Variants in PCDH11X observed in about 807,000 individuals in gnomAD.
PCDH11X encodes protocadherin-11 X-linked.
In PCDH11X, 18 loss-of-function variants were observed where a neutral mutation model predicts 53.3. The ratio of observed to expected loss-of-function variants is 0.34; its 90% CI spans 0.23 to 0.50. PCDH11X has a LOEUF of 0.50. PCDH11X is among the 20% of genes least tolerant of loss of function. The pLI, the probability that PCDH11X is intolerant of heterozygous loss-of-function variation, is 0.98. For synonymous variants in PCDH11X, 279 were observed against 393.3 expected, an observed-to-expected ratio of 0.71 and a Z score of 3.44; for missense variants, 570 against 1,032.4, an observed-to-expected ratio of 0.55 and a Z score of 6.14.
chrX:92,338,305 C>T (rs1429704289), intron 8 of PCDH11X, among the ~76,000 whole-genome samples: 2 of 111,710 alleles, frequency 1.8e-5, no homozygotes, highest in Admixed American at 9.5e-5. Context: ...GTTTAGGCTA[C>T]ACTCTGTATT....
intron 4 of PCDH11X, among the ~76,000 whole-genome samples, chrX:91,829,834 C>A (rs1187619357): frequency 9.0e-6 from 1 of 111,420 alleles, no homozygotes; most frequent in Non-Finnish European, 1.9e-5. Context: ...TTTGAAATCA[C>A]ATAGAGCAAT....
At chrX:91,909,741 G>A (rs898307371) in intron 6 of PCDH11X, among the ~76,000 whole-genome samples, 7 of 109,330 alleles carry the variant, frequency 6.4e-5, no homozygotes, top group South Asian at 8.0e-4. Context: ...GTCTGTAAAC[G>A]TGGCATATTA....
intron 6 of PCDH11X, among the ~76,000 whole-genome samples, chrX:91,929,451 C>T (rs1404264107): frequency 2.7e-5 from 3 of 110,104 alleles, no homozygotes; most frequent in East Asian, 2.9e-4. Flanking sequence ...GTAAGGAAAT[C>T]GAAGCCCAAA....
At chrX:92,535,219 A>G (rs1475655333) in intron 10 of PCDH11X, among the ~76,000 whole-genome samples, 1 of 112,019 alleles carries the variant, frequency 8.9e-6, no homozygotes, top group Non-Finnish European at 1.9e-5. Context: ...AGACTCATGC[A>G]CATGTATATT....
chrX:92,602,513 A>C (rs1178815513), intron 10 of PCDH11X, among the ~76,000 whole-genome samples: 1 of 110,241 alleles, frequency 9.1e-6, no homozygotes, highest in Non-Finnish European at 1.9e-5. Flanking sequence ...ACAATCAAGC[A>C]ATCAGCCAGT....
chrX:92,092,155 G>A (rs753230696), intron 6 of PCDH11X, among the ~76,000 whole-genome samples: 5 of 111,621 alleles, frequency 4.5e-5, no homozygotes, highest in Middle Eastern at 9.3e-3. Context: ...AGGAATTTGG[G>A]CAAGATAAAA....
chrX:92,584,019 T>C (rs897955811), intron 10 of PCDH11X, among the ~76,000 whole-genome samples: 1 of 110,575 alleles, frequency 9.0e-6, no homozygotes, highest in African/African-American at 3.3e-5. Context: ...AATTAAACAA[T>C]ATACTTTGAT....
chrX:92,500,872 TCAGAG>T (rs2148695208), intron 10 of PCDH11X, among the ~76,000 whole-genome samples: 1 of 107,035 alleles, frequency 9.3e-6, no homozygotes, highest in African/African-American at 3.4e-5. Context: ...TTAACCAAGA[TCAGAG>T]CATAACTGAA....
intron 9 of PCDH11X, among the ~76,000 whole-genome samples, chrX:92,448,926 T>A (rs2072717916): frequency 8.9e-6 from 1 of 112,210 alleles, no homozygotes; most frequent in African/African-American, 3.2e-5. Context: ...CTTTTTAGAA[T>A]GACTCACATA....
At chrX:92,437,984 G>A (rs1340760017) in intron 9 of PCDH11X, among the ~76,000 whole-genome samples, 2 of 111,876 alleles carry the variant, frequency 1.8e-5, no homozygotes, top group African/African-American at 3.2e-5. Flanking sequence ...GTAACGCATC[G>A]AAAATTGGGT....
At chrX:92,390,628 A>G (rs1220808362) in intron 9 of PCDH11X, among the ~76,000 whole-genome samples, 4 of 99,587 alleles carry the variant, frequency 4.0e-5, no homozygotes, top group Non-Finnish European at 8.2e-5. Context: ...CAGAGGAAAT[A>G]AATGCTGTCC....
At chrX:92,517,795 C>T (rs1319747454) in intron 10 of PCDH11X, among the ~76,000 whole-genome samples, 4 of 110,919 alleles carry the variant, frequency 3.6e-5, no homozygotes, top group Non-Finnish European at 7.6e-5. Context: ...TGAAAAGTTA[C>T]ATCCATAAAC....
At position 92,621,401 on chromosome X, in the gene PCDH11X, C is replaced by T. The variant is rs1180338908; in HGVS notation, c.*2461C>T. The T allele has an allele frequency of 4.6e-5, 5 of 109,532 alleles. No individual in the cohort carries two copies. The East Asian group carries it at 8.7e-4, about 19-fold the overall frequency. The allele number at this position is 109,532 out of a possible 1,213,427, so 9.0% of individuals were successfully genotyped here. On this transcript the variant is annotated 3_prime_UTR_variant, in exon 11 of 11. Transcript: ENST00000682573. Reference sequence around the variant, plus strand: ...TAGATGATATAGGAATGAACCAATACGCTTTTATTACCCTTTCTAACTCTG... The same window carrying T: ...TAGATGATATAGGAATGAACCAATATGCTTTTATTACCCTTTCTAACTCTG...
At chrX:92,161,290 G>A (rs755625675) in intron 6 of PCDH11X, among the ~76,000 whole-genome samples, 1 of 111,652 alleles carries the variant, frequency 9.0e-6, no homozygotes, top group Non-Finnish European at 1.9e-5. Flanking sequence ...AGTTTTGCTG[G>A]ATACAAAACT....
At chrX:92,053,664 G>A (rs1463994501) in intron 6 of PCDH11X, among the ~76,000 whole-genome samples, 1 of 107,457 alleles carries the variant, frequency 9.3e-6, no homozygotes, top group Non-Finnish European at 1.9e-5. Context: ...TCTGCCGCCC[G>A]GGTTCAAGCG....
intron 9 of PCDH11X, among the ~76,000 whole-genome samples, chrX:92,419,051 G>C (rs2148612538): frequency 9.8e-6 from 1 of 102,222 alleles, no homozygotes; most frequent in East Asian, 3.1e-4. Context: ...GTATTTCAAA[G>C]CTCTGTTTTA....
At position 92,274,953 on chromosome X, in the gene PCDH11X, G is replaced by C. The variant is rs143227125; in HGVS notation, c.3144+11810G>C. Among the ~76,000 whole-genome samples, 1,092 of 110,568 alleles carry C rather than the reference G, an allele frequency of 9.9e-3. 20 individuals carry two copies. Among genetic ancestry groups the C allele is most frequent in the African/African-American group, 0.034 (1,039 of 30,351 alleles). Reference sequence around the variant, plus strand: ...GTATCAGGAATAATGTGGGAGGCCAGTTTGAAGTCTGGGCCAGGAACAATG... The same window carrying C: ...GTATCAGGAATAATGTGGGAGGCCACTTTGAAGTCTGGGCCAGGAACAATG... On this transcript the variant is annotated intron_variant, in intron 8 of 10. Transcript: ENST00000682573.
chrX:91,913,870 C>T (rs1211533430), intron 6 of PCDH11X, among the ~76,000 whole-genome samples: 1 of 109,755 alleles, frequency 9.1e-6, no homozygotes, highest in Non-Finnish European at 1.9e-5. Context: ...AATTTCACTG[C>T]CTGCAACATC....
In PCDH11X at chrX:92,515,518, C is replaced by T. The variant is rs192109402; in HGVS notation, c.3367+47196C>T. 167 of 280,735 alleles carry T rather than the reference C, an allele frequency of 5.9e-4. 1 individual carries two copies. Among genetic ancestry groups the T allele is most frequent in the African/African-American group, 2.4e-3 (83 of 34,541 alleles). 23.1% of individuals were successfully genotyped at this position (280,735 alleles called of 1,213,427 possible). On this transcript the variant is annotated intron_variant, in intron 10 of 10. Coordinates refer to ENST00000682573, the MANE Select transcript of PCDH11X (RefSeq NM_032968.5). The stretch of plus-strand genomic sequence containing the variant: ...GCCATTTCGCTGTAGCCGCCGCCGC[C>T]GCGGGCTCCCATGACACGTTATGGA...
Sources: gnomAD v4.1 joint callset for allele counts (sites outside exome capture counted in the v4.1 genomes callset) on GRCh38, gnomAD v4.1.1 for gene constraint, MANE v1.5 for transcripts, NCBI Gene and HGNC (gene_info 2026-07-23, HGNC 2026-07-21) for gene names.